Variants in SERPINB1 observed in about 807,000 individuals in gnomAD.
SERPINB1 encodes the protein leukocyte elastase inhibitor.
Under a neutral mutation model 25.9 loss-of-function variants are expected in SERPINB1, and 23 were observed. The ratio of observed to expected loss-of-function variants is 0.89; its 90% confidence interval spans 0.64 to 1.26. SERPINB1 has a LOEUF of 1.26. Among genes scored for constraint, SERPINB1 ranks in the 50% most tolerant of loss-of-function variants. The probability of loss-of-function intolerance (pLI) is 0.00; values close to 1 mark genes in which losing one functional copy is unlikely to be tolerated. For missense variants in SERPINB1, 399 were observed against 463.6 expected, an observed-to-expected ratio of 0.86 and a Z score of 1.28; for synonymous variants, 178 against 178.7, an observed-to-expected ratio of 1.00 and a Z score of 0.03.
chr6:2,836,359 T>C (rs1766494529), intron 4 of SERPINB1, 109 bp from the exon 5 acceptor site: 1 of 1,186,670 alleles, frequency 8.4e-7, no homozygotes, highest in Admixed American at 2.8e-5. Context: ...TTCTACTTAA[T>C]TTTCATTTAA....
chr6:2,841,386 ATCGCACGGGGT>A lies in SERPINB1; in HGVS notation c.-9+415_-9+425del, dbSNP rs1766649048. On this transcript the variant is annotated intron_variant, in intron 1 of 6. Transcript: ENST00000380739. The surrounding 1 kb of genome is among the most constrained non-coding windows in gnomAD (Gnocchi z 4.5). ...TCCTTGTTGTGAAATCGTCTCTAGA[ATCGCACGGGGT>A]TCCTCCTCTCTCTCCCTGCAGCTGC... 1 of 152,500 alleles carries A rather than the reference ATCGCACGGGGT, an allele frequency of 6.6e-6. No individual in the cohort carries two copies. The highest frequency in any genetic ancestry group is 1.5e-5 in the Non-Finnish European group (1 of 68,240). 9.4% of individuals were successfully genotyped at this position (152,500 alleles called of 1,614,324 possible). A position where few individuals can be genotyped will look rare whatever the true frequency, so the allele number is the denominator to read the frequency against.
chr6:2,836,066 T>G (rs377617943), intron 5 of SERPINB1, 42 bp downstream of exon 5: 24 of 1,613,528 alleles, frequency 1.5e-5, no homozygotes, highest in Non-Finnish European at 2.0e-5. Flanking sequence ...CTCTGCATTC[T>G]TTTAGAGCAA....
chr6:2,833,732 C>T lies in SERPINB1; in HGVS notation c.1016G>A (p.Gly339Asp), dbSNP rs943415925. The part of the protein sequence containing the change: ...EGTEAAAATA[G>D]IATFCMLMPE... ...CATCAACATGCAGAAAGTTGCGATG[C>T]CTGCTGTGGCAGCTGCCGCCTCTGT... Residue 339 changes from glycine (G) to aspartate (D), a missense_variant, in exon 7 of 7, where the codon GGC becomes GAC. By Grantham distance (94) the Gly-to-Asp change is moderately conservative. Transcript: ENST00000380739. The T allele has an allele frequency of 1.2e-6, 2 of 1,614,028 alleles. No individual in the cohort carries two copies. The highest frequency in any genetic ancestry group is 1.7e-6 in the Non-Finnish European group (2 of 1,180,030).
chr6:2,834,135 G>T, intron 6 of SERPINB1, 123 bp from the exon 7 acceptor site: 1 of 917,318 alleles, frequency 1.1e-6, no homozygotes, highest in Non-Finnish European at 1.6e-6. Context: ...CATGTTTTGT[G>T]CCAAAACAGA....
chr6:2,836,490 C>A (rs556149346), intron 4 of SERPINB1, among the ~76,000 whole-genome samples: 1 of 152,180 alleles, frequency 6.6e-6, no homozygotes, highest in African/African-American at 2.4e-5. Flanking sequence ...ACATTTTAAA[C>A]AAGTCAAATG....
chr6:2,840,648 G>C, intron 1 of SERPINB1, 54 bp from the exon 2 acceptor site: 2 of 1,502,962 alleles, frequency 1.3e-6, no homozygotes, highest in South Asian at 2.6e-5. Flanking sequence ...CAGCAGATTA[G>C]GCAGCACTAT....
chr6:2,838,630 A>G lies in SERPINB1; in HGVS notation c.225T>C (p.Ala75=). 1.9e-6 allele frequency: 3 copies of G among 1,610,856 alleles called. No homozygotes were observed. The highest frequency in any genetic ancestry group is 4.5e-5 in the East Asian group (2 of 44,710). Residue 75 remains alanine, a synonymous_variant, in exon 3 of 7, where the codon GCT becomes GCC. Transcript: ENST00000380739. Reference sequence around the variant, plus strand: ...AAGACGCTCCACGTTTGTTGATATCAGCATTCAGACTCTGGAATCTTGAAT... The same window carrying G: ...AAGACGCTCCACGTTTGTTGATATCGGCATTCAGACTCTGGAATCTTGAAT... ...EVHSRFQSLN[A]DINKRGASYI...
chr6:2,840,187 C>T (rs1324363120), intron 2 of SERPINB1, among the ~76,000 whole-genome samples: 1 of 152,154 alleles, frequency 6.6e-6, no homozygotes, highest in Non-Finnish European at 1.5e-5. Flanking sequence ...TTGCTCACTG[C>T]TGTCTCCTCA....
At chr6:2,838,444 T>C (rs1048770807) in intron 3 of SERPINB1, 105 bp downstream of exon 3, 3 of 1,120,086 alleles carry the variant, frequency 2.7e-6, no homozygotes, top group Non-Finnish European at 1.2e-6. Flanking sequence ...GTATTGTTTT[T>C]CTGAAAGTTT....
At position 2,838,667 on chromosome 6, in the gene SERPINB1, A is replaced by AC; in HGVS notation, c.187dup (p.Val63GlyfsTer2). ...CTGGAATCTTGAATGAACCTCTTCAACCGTGTTGAAATGGAAAGTCTAAAA... is the reference window on the plus strand; with the variant it reads ...CTGGAATCTTGAATGAACCTCTTCAACCCGTGTTGAAATGGAAAGTCTAAAA... On this transcript the variant is annotated frameshift_variant, in exon 3 of 7. Coordinates refer to ENST00000380739, the MANE Select transcript of SERPINB1 (RefSeq NM_030666.4). LOFTEE classifies it high-confidence loss of function. 6.3e-7 allele frequency: 1 copy of AC among 1,590,358 alleles called. No homozygotes were observed. The highest frequency in any genetic ancestry group is 1.2e-5 in the South Asian group (1 of 86,472).
chr6:2,838,399 T>C, intron 3 of SERPINB1, 150 bp downstream of exon 3: 1 of 636,220 alleles, frequency 1.6e-6, no homozygotes, highest in South Asian at 3.7e-5. Context: ...CTGTCGTGTT[T>C]GCCTTCCATA....
Position 2,837,757 on chromosome 6 carries a change from T to G in SERPINB1, c.424+125A>C. 1.3e-6 allele frequency: 1 copy of G among 753,580 alleles called. No individual in the cohort carries two copies. The highest frequency in any genetic ancestry group is 2.3e-6 in the Non-Finnish European group (1 of 429,276). 46.7% of individuals were successfully genotyped at this position (753,580 alleles called of 1,614,324 possible). On this transcript the variant is annotated intron_variant, in intron 4 of 6. Transcript: ENST00000380739. This position sits in a 1 kb window ranked among gnomAD's most constrained non-coding sequence, Gnocchi z 4.3. ...TCACGCACCGGCAGCGTCCTCTGAC[T>G]GTAACCACGATGTGCGCCAGGACTG... is the stretch of plus-strand genomic sequence containing the variant.
At chr6:2,838,031 A>G (rs1466389074) in intron 3 of SERPINB1, 32 bp from the exon 4 acceptor site, 2 of 1,419,740 alleles carry the variant, frequency 1.4e-6, no homozygotes, top group African/African-American at 1.4e-5. Flanking sequence ...AAATATATAT[A>G]TAACTCCTAC....
intron 6 of SERPINB1, among the ~76,000 whole-genome samples, chr6:2,834,314 T>C (rs12202866): frequency 7.0e-4 from 47 of 67,020 alleles, no homozygotes; most frequent in Non-Finnish European, 1.2e-3. Flanking sequence ...CATCCATCCA[T>C]CCATCCATCC....
chr6:2,832,626 G>A lies in SERPINB1; in HGVS notation c.*982C>T, dbSNP rs1401710057. On this transcript the variant is annotated 3_prime_UTR_variant, in exon 7 of 7. Transcript: ENST00000380739. ...GTTCGGGACCAGCCTGGCCAACATGGAAAAACCCCATCTCTACTAAAAATA... is the reference window on the plus strand; with the variant it reads ...GTTCGGGACCAGCCTGGCCAACATGAAAAAACCCCATCTCTACTAAAAATA... 1 of 152,068 alleles carries A rather than the reference G, an allele frequency of 6.6e-6. No individual in the cohort carries two copies. The highest frequency in any genetic ancestry group is 1.5e-5 in the Non-Finnish European group (1 of 68,142). The allele number at this position is 152,068 out of a possible 1,614,324, so 9.4% of individuals were successfully genotyped here. A position where few individuals can be genotyped will look rare whatever the true frequency, so the allele number is the denominator to read the frequency against.
intron 6 of SERPINB1, among the ~76,000 whole-genome samples, chr6:2,834,310 T>TCCAG (rs56301805): frequency 1.3e-5 from 2 of 150,076 alleles, no homozygotes; most frequent in Non-Finnish European, 3.0e-5. Context: ...CATCCATCCA[T>TCCAG]CCATCCATCC....
Position 2,837,773 on chromosome 6 carries a change from G to C in SERPINB1, c.424+109C>G. ...TCCTCTGACTGTAACCACGATGTGCGCCAGGACTGTGGGAGCTGGGGAGGG... is the reference window on the plus strand; with the variant it reads ...TCCTCTGACTGTAACCACGATGTGCCCCAGGACTGTGGGAGCTGGGGAGGG... On this transcript the variant is annotated intron_variant, in intron 4 of 6. Coordinates refer to ENST00000380739, the MANE Select transcript of SERPINB1 (RefSeq NM_030666.4). The surrounding 1 kb of genome is among the most constrained non-coding windows in gnomAD (Gnocchi z 4.3). 3.6e-6 allele frequency: 3 copies of C among 827,006 alleles called. No homozygotes were observed. In the South Asian group the frequency reaches 4.4e-5, roughly 12 times the overall value. The allele number at this position is 827,006 out of a possible 1,614,324, so 51.2% of individuals were successfully genotyped here.
chr6:2,836,016 CTG>C lies in SERPINB1; in HGVS notation c.573_574del (p.Asp191GlufsTer22), dbSNP rs1554141470. 1.2e-6 allele frequency: 2 copies of C among 1,613,968 alleles called. No homozygotes were observed. The highest frequency in any genetic ancestry group is 1.7e-6 in the Non-Finnish European group (2 of 1,179,980). Reference sequence around the variant, plus strand: ...CTGATACATCATTTTCACAGTTTTTCTGTCTTTCTGAACAGTTTTAAAAAATC... The same window carrying C: ...CTGATACATCATTTTCACAGTTTTTCTCTTTCTGAACAGTTTTAAAAAATC... On this transcript the variant is annotated frameshift_variant, in exon 6 of 7. Transcript: ENST00000380739. LOFTEE classifies it high-confidence loss of function.
intron 2 of SERPINB1, chr6:2,839,494 C>T (rs1024497402): frequency 1.0e-6 from 1 of 977,100 alleles, no homozygotes; most frequent in African/African-American, 1.9e-5. Flanking sequence ...CAATTAGTAA[C>T]AGAGGTTTTT....
Sources: gnomAD v4.1 joint callset for allele counts (sites outside exome capture counted in the v4.1 genomes callset) on GRCh38, gnomAD v4.1.1 for gene constraint, Gnocchi (gnomAD v3.1) non-coding constraint, MANE v1.5 for transcripts, NCBI Gene and HGNC (gene_info 2026-07-23, HGNC 2026-07-21) for gene names.